The following MINDY3 variants were observed in gnomAD, a reference collection of about 807,000 sequenced individuals.
MINDY3 encodes the protein ubiquitin carboxyl-terminal hydrolase MINDY-3.
A neutral mutation model predicts 69.2 loss-of-function variants in MINDY3; 38 were observed. That is an observed-to-expected ratio of 0.55 (90% CI 0.42 to 0.72). MINDY3 has a LOEUF of 0.72. Ranked by LOEUF, MINDY3 falls within the 30% of genes least tolerant of loss-of-function variation. The pLI is 0.00. For missense variants in MINDY3, 522 were observed against 519.0 expected, an observed-to-expected ratio of 1.01 and a Z score of -0.06; for synonymous variants, 192 against 180.1, an observed-to-expected ratio of 1.07 and a Z score of -0.53.
At chr10:15,810,345 C>T (rs1838913540) in intron 10 of MINDY3, among the ~76,000 whole-genome samples, 1 of 152,114 alleles carries the variant, frequency 6.6e-6, no homozygotes, top group Non-Finnish European at 1.5e-5. Context: ...TCTTAACCAT[C>T]CTCAAATCAT....
intron 11 of MINDY3, among the ~76,000 whole-genome samples, chr10:15,794,004 C>A (rs1837621282): frequency 1.3e-5 from 2 of 151,960 alleles, no homozygotes; most frequent in Admixed American, 1.3e-4. Context: ...AGGAATATAC[C>A]CACAGCACAG....
chr10:15,845,369 G>A (rs113122013), intron 2 of MINDY3, among the ~76,000 whole-genome samples: 53 of 152,212 alleles, frequency 3.5e-4, no homozygotes, highest in African/African-American at 1.3e-3. Flanking sequence ...ACAGTATCAT[G>A]ATCTAATTTT....
intron 8 of MINDY3, among the ~76,000 whole-genome samples, chr10:15,832,633 C>A (rs942973421): frequency 6.6e-6 from 1 of 152,086 alleles, no homozygotes; most frequent in Non-Finnish European, 1.5e-5. Context: ...TCTAACCTCA[C>A]CACTAAGTAA....
chr10:15,832,872 CTA>C (rs1832828470), intron 8 of MINDY3, among the ~76,000 whole-genome samples: 1 of 152,136 alleles, frequency 6.6e-6, no homozygotes, highest in African/African-American at 2.4e-5. Context: ...AAAGTGGTAA[CTA>C]TTATTTTCTC....
intron 8 of MINDY3, among the ~76,000 whole-genome samples, chr10:15,826,325 G>C (rs1437669276): frequency 6.6e-6 from 1 of 152,134 alleles, no homozygotes; most frequent in Non-Finnish European, 1.5e-5. Context: ...AATTTGATTA[G>C]TTCTACTGCA....
rs369339034 is a variant in MINDY3, at chr10:15,812,844, T to C, written c.882+3991A>G. ...TTTCTAAAGCTCTAAGATCTAATCA[T>C]TAGCCACACCTATCTTATTAGACAT... On this transcript the variant is annotated intron_variant, in intron 10 of 14. Transcript: ENST00000277632. Among the ~76,000 whole-genome samples the C allele has an allele frequency of 1.8e-4, 28 of 152,274 alleles. No homozygotes were observed. In the East Asian group the frequency reaches 2.1e-3, roughly 12 times the overall value.
chr10:15,809,109 A>G (rs1174191671), intron 10 of MINDY3, among the ~76,000 whole-genome samples: 1 of 152,316 alleles, frequency 6.6e-6, no homozygotes, highest in East Asian at 1.9e-4. Flanking sequence ...AGGGAAATTA[A>G]GAAAGTGACC....
At chr10:15,831,736 C>T (rs979429035) in intron 8 of MINDY3, among the ~76,000 whole-genome samples, 3 of 145,402 alleles carry the variant, frequency 2.1e-5, no homozygotes, top group Admixed American at 7.1e-5. Flanking sequence ...AGTGCCGTGG[C>T]ATGATCTCAG....
rs372317786 is a variant in MINDY3 at position 15,810,662 on chromosome 10, A to G, written c.882+6173T>C. Among the ~76,000 whole-genome samples the G allele has an allele frequency of 4.5e-4, 69 of 152,260 alleles. No homozygotes were observed. In the East Asian group the frequency reaches 5.2e-3, roughly 12 times the overall value. ...TTCTATAATGTATTTGGTCAACAAA[A>G]AGTCATTGAGCACCTACACTATGCC... On this transcript the variant is annotated intron_variant, in intron 10 of 14. Transcript: ENST00000277632.
chr10:15,784,430 T>G (rs111700974), intron 13 of MINDY3, among the ~76,000 whole-genome samples: 2,162 of 152,316 alleles, frequency 0.014, 55 homozygotes, highest in African/African-American at 0.049. Flanking sequence ...TGCAACTTCA[T>G]TTATTTGTGG....
rs1194349848 is a variant in MINDY3 at position 15,860,501 on chromosome 10, C to T, written c.-202G>A. On this transcript the variant is annotated 5_prime_UTR_variant, in exon 1 of 15. Transcript: ENST00000277632. ...TGGGGCAGCAGCGAGTTTTCCGTAC[C>T]GGAAGTGCTGGTGCCACTTCCGACT... 1.2e-5 allele frequency: 7 copies of T among 594,140 alleles called. No homozygotes were observed. Among genetic ancestry groups the T allele is most frequent in the Non-Finnish European group, 2.1e-5 (7 of 337,580 alleles). 36.8% of individuals were successfully genotyped at this position (594,140 alleles called of 1,614,324 possible).
intron 10 of MINDY3, among the ~76,000 whole-genome samples, chr10:15,799,327 T>G: frequency 6.6e-6 from 1 of 152,086 alleles, no homozygotes; most frequent in Admixed American, 6.6e-5. Context: ...GCCTCCCTAG[T>G]AGCTGGGATT....
chr10:15,855,560 C>A (rs892645247), intron 1 of MINDY3, among the ~76,000 whole-genome samples: 1 of 152,182 alleles, frequency 6.6e-6, no homozygotes, highest in Admixed American at 6.5e-5. Flanking sequence ...ACAGAAAAAT[C>A]TTTCTCATTT....
chr10:15,815,013 ATC>A lies in MINDY3; in HGVS notation c.882+1820_882+1821del, dbSNP rs546007375. On this transcript the variant is annotated intron_variant, in intron 10 of 14. Transcript: ENST00000277632. Reference sequence around the variant, plus strand: ...AAAATTTAAGATTTAAAATATTGTCATCTTTTATATTCAACACTTTTAGTTTC... The same window carrying A: ...AAAATTTAAGATTTAAAATATTGTCATTTTATATTCAACACTTTTAGTTTC... Among the ~76,000 whole-genome samples, 169 of 152,350 alleles carry A rather than the reference ATC, an allele frequency of 1.1e-3. 1 individual carries two copies. Among genetic ancestry groups the A allele is most frequent in the African/African-American group, 3.8e-3 (160 of 41,590 alleles).
At chr10:15,804,597 C>T (rs1838499783) in intron 10 of MINDY3, among the ~76,000 whole-genome samples, 1 of 152,002 alleles carries the variant, frequency 6.6e-6, no homozygotes, top group Non-Finnish European at 1.5e-5. Flanking sequence ...GACATTTTAG[C>T]TTGCAGACAA....
chr10:15,807,632 CAT>C (rs1838727161), intron 10 of MINDY3, among the ~76,000 whole-genome samples: 1 of 152,182 alleles, frequency 6.6e-6, no homozygotes, highest in African/African-American at 2.4e-5. Context: ...AATTAAAACT[CAT>C]AGGCTTCATT....
intron 4 of MINDY3, 53 bp from the exon 5 acceptor site, chr10:15,838,332 G>T: frequency 6.8e-7 from 1 of 1,467,980 alleles, no homozygotes; most frequent in Non-Finnish European, 9.2e-7. Context: ...AATGACACAA[G>T]ATACACACAG....
chr10:15,819,235 C>A (rs570614904), intron 9 of MINDY3, among the ~76,000 whole-genome samples: 2 of 152,278 alleles, frequency 1.3e-5, no homozygotes, highest in Non-Finnish European at 2.9e-5. Context: ...AAAATTAACA[C>A]AAGCTCAATG....
chr10:15,798,174 A>G (rs1345929353), intron 10 of MINDY3, among the ~76,000 whole-genome samples: 1 of 152,196 alleles, frequency 6.6e-6, no homozygotes, highest in African/African-American at 2.4e-5. Flanking sequence ...AGTATTATTT[A>G]AAACTATGAT....
Sources: gnomAD v4.1 joint callset for allele counts (sites outside exome capture counted in the v4.1 genomes callset) on GRCh38, gnomAD v4.1.1 for gene constraint, MANE v1.5 for transcripts, NCBI Gene and HGNC (gene_info 2026-07-23, HGNC 2026-07-21) for gene names.